Variants in EDEM1 observed in about 807,000 individuals in gnomAD.
EDEM1 encodes ER degradation enhancing alpha-mannosidase like protein 1, also known as ER degradation-enhancing alpha-mannosidase-like protein 1.
Under a neutral mutation model 74.4 loss-of-function variants are expected in EDEM1, and 67 were observed. That is an observed-to-expected ratio of 0.90 (90% CI 0.74 to 1.10). The LOEUF (loss-of-function observed/expected upper bound fraction) is 1.10. Among genes scored for constraint, EDEM1 ranks in the 50% least tolerant of loss-of-function variants. The pLI is 0.00. For synonymous variants in EDEM1, 382 were observed against 335.9 expected, an observed-to-expected ratio of 1.14 and a Z score of -1.50; for missense variants, 926 against 851.6, an observed-to-expected ratio of 1.09 and a Z score of -1.09.
Position 5,213,327 on chromosome 3 carries a change from T to G in EDEM1, c.1689T>G (p.Asp563Glu). The G allele has an allele frequency of 6.2e-7, 1 of 1,613,370 alleles. No individual in the cohort carries two copies. The highest frequency in any genetic ancestry group is 8.5e-7 in the Non-Finnish European group (1 of 1,179,628). ...ETCKYLYLLF[D>E]EDNPVHKSGT... Reference sequence around the variant, plus strand: ...TTCTCCGTTCCCTCTAGCTGTTTGATGAAGACAATCCAGTACACAAGTCTG... The same window carrying G: ...TTCTCCGTTCCCTCTAGCTGTTTGAGGAAGACAATCCAGTACACAAGTCTG... The change falls in exon 11 of 12, where the codon GAT (aspartate) becomes GAG (glutamate). Residue 563 changes from aspartate (D) to glutamate (E), a missense_variant. Transcript: ENST00000256497.
At chr3:5,210,984 C>G (rs1197465001) in intron 9 of EDEM1, 136 bp from the exon 10 acceptor site, 1 of 770,626 alleles carries the variant, frequency 1.3e-6, no homozygotes, top group Admixed American at 2.8e-5. Flanking sequence ...AAAGGAGAGC[C>G]CCTCAATGTA....
chr3:5,208,017 C>A, intron 7 of EDEM1, 76 bp from the exon 8 acceptor site: 1 of 1,482,866 alleles, frequency 6.7e-7, no homozygotes, highest in South Asian at 1.4e-5. Context: ...GAGGAGAGCC[C>A]AGGCAGGCCC....
intron 8 of EDEM1, among the ~76,000 whole-genome samples, chr3:5,208,962 C>A (rs377607800): frequency 6.6e-6 from 1 of 152,034 alleles, no homozygotes; most frequent in Non-Finnish European, 1.5e-5. Context: ...CACAGCAGCA[C>A]GAGTGGTTAA....
intron 2 of EDEM1, among the ~76,000 whole-genome samples, chr3:5,197,350 C>CTT (rs1360490837): frequency 3.3e-5 from 5 of 152,306 alleles, no homozygotes; most frequent in African/African-American, 1.2e-4. Flanking sequence ...TTTAAAGACT[C>CTT]TGAGAAGTCC....
rs757158212 is a variant in EDEM1 at position 5,188,028 on chromosome 3, C to A, written c.223C>A (p.Pro75Thr). 24 of 1,453,006 alleles carry A rather than the reference C, an allele frequency of 1.7e-5. No individual in the cohort carries two copies. The African/African-American group carries it at 3.3e-4, about 20-fold the overall frequency. 90.0% of individuals were successfully genotyped at this position (1,453,006 alleles called of 1,614,324 possible). ...ATCCGGGCCGTCGTGGCTGCAGCCG[C>A]CGGGGACCGGGGCAGCGCAGAGCCC... Reference protein sequence around the residue: ...GVSGPSWLQPPGTGAAQSPRK... With the variant: ...GVSGPSWLQPTGTGAAQSPRK... The change falls in exon 1 of 12, where the codon CCG becomes ACG. Residue 75 changes from proline (P) to threonine (T), a missense_variant. Transcript: ENST00000256497.
At chr3:5,198,230 G>C (rs75587008) in intron 2 of EDEM1, among the ~76,000 whole-genome samples, 1 of 152,046 alleles carries the variant, frequency 6.6e-6, no homozygotes. Flanking sequence ...TGTATTTTTA[G>C]TAGAGACAAG....
At chr3:5,213,546 A>AT in intron 11 of EDEM1, 24 bp downstream of exon 11, 2 of 1,582,688 alleles carry the variant, frequency 1.3e-6, no homozygotes, top group Non-Finnish European at 1.7e-6. Flanking sequence ...TCCAGGGGTG[A>AT]TTTGCATATA....
rs558513525 is a variant in EDEM1 at position 5,219,006 on chromosome 3, G to C, written c.*3088G>C. 1 of 152,184 alleles carries C rather than the reference G, an allele frequency of 6.6e-6. No homozygotes were observed. The highest frequency in any genetic ancestry group is 1.5e-5 in the Non-Finnish European group (1 of 68,036). The allele number at this position is 152,184 out of a possible 1,614,324, so 9.4% of individuals were successfully genotyped here. A position where few individuals can be genotyped will look rare whatever the true frequency, so the allele number is the denominator to read the frequency against. ...ATGCACCAGGATGGTGTCTGTGCAC[G>C]TGACTATTAGAGGAGCGTCTGTAGA... is the stretch of plus-strand genomic sequence containing the variant. On this transcript the variant is annotated 3_prime_UTR_variant, in exon 12 of 12. Transcript: ENST00000256497.
At chr3:5,208,700 T>C (rs577842681) in intron 8 of EDEM1, among the ~76,000 whole-genome samples, 1 of 151,990 alleles carries the variant, frequency 6.6e-6, no homozygotes, top group South Asian at 2.1e-4. Context: ...AAGGAAATCA[T>C]CTTGGATTCA....
At chr3:5,208,767 A>T (rs1044915006) in intron 8 of EDEM1, among the ~76,000 whole-genome samples, 1 of 150,546 alleles carries the variant, frequency 6.6e-6, no homozygotes, top group African/African-American at 2.5e-5. Flanking sequence ...GTGTATATAT[A>T]TATACACACA....
intron 5 of EDEM1, 151 bp from the exon 6 acceptor site, chr3:5,204,916 A>C (rs2055076441): frequency 2.8e-6 from 2 of 712,120 alleles, no homozygotes; most frequent in Non-Finnish European, 4.6e-6. Context: ...AAGACTGATA[A>C]AAATGTTAGG....
intron 2 of EDEM1, among the ~76,000 whole-genome samples, chr3:5,198,041 AT>A (rs921499742): frequency 5.3e-5 from 8 of 151,030 alleles, no homozygotes; most frequent in South Asian, 2.1e-4. Context: ...AAATGGTTAC[AT>A]TTTTTTTGTC....
At position 5,211,147 on chromosome 3, in the gene EDEM1, C is replaced by T; in HGVS notation, c.1611C>T (p.Val537=). ...VKCGYATLHH[V]IDKSTEDRME... is the part of the protein sequence containing the mutation. ...GTGGGTACGCCACGCTGCATCACGT[C>T]ATTGACAAGTCCACAGAAGACCGGA... The change falls in exon 10 of 12, where the codon GTC becomes GTT. Residue 537 remains valine (V), a synonymous_variant. Coordinates refer to ENST00000256497, the MANE Select transcript of EDEM1 (RefSeq NM_014674.3). The T allele has an allele frequency of 6.2e-7, 1 of 1,614,190 alleles. No individual in the cohort carries two copies. The highest frequency in any genetic ancestry group is 8.5e-7 in the Non-Finnish European group (1 of 1,180,032).
intron 3 of EDEM1, among the ~76,000 whole-genome samples, chr3:5,200,377 A>G (rs1298570931): frequency 6.6e-6 from 1 of 152,192 alleles, no homozygotes; most frequent in Non-Finnish European, 1.5e-5. Flanking sequence ...AGAGTTTCCC[A>G]TCTTACCACC....
rs1399932285 is a variant in EDEM1, at chr3:5,219,314, G to A, written c.*3396G>A. On this transcript the variant is annotated 3_prime_UTR_variant, in exon 12 of 12. Transcript: ENST00000256497. ...CAAATGTAGTGCTGGTGAAAAGGTA[G>A]GGCTGAGTGATTACCTTAGCCACAG... The A allele has an allele frequency of 5.3e-5, 8 of 152,170 alleles. No homozygotes were observed. In the East Asian group the frequency reaches 1.2e-3, roughly 22 times the overall value. The allele number at this position is 152,170 out of a possible 1,614,324, so 9.4% of individuals were successfully genotyped here. A position where few individuals can be genotyped will look rare whatever the true frequency, so the allele number is the denominator to read the frequency against.
chr3:5,208,020 GCA>G, intron 7 of EDEM1, 71 bp from the exon 8 acceptor site: 1 of 1,491,440 alleles, frequency 6.7e-7, no homozygotes, highest in Non-Finnish European at 8.9e-7. Context: ...GAGAGCCCAG[GCA>G]GGCCCTTTGT....
rs1021799822 is a variant in EDEM1 at position 5,219,018 on chromosome 3, G to T, written c.*3100G>T. ...GGTGTCTGTGCACGTGACTATTAGA[G>T]GAGCGTCTGTAGAAGTACCTGGTTT... On this transcript the variant is annotated 3_prime_UTR_variant, in exon 12 of 12. Coordinates refer to ENST00000256497, the MANE Select transcript of EDEM1 (RefSeq NM_014674.3). 1 of 152,064 alleles carries T rather than the reference G, an allele frequency of 6.6e-6. No homozygotes were observed. Among genetic ancestry groups the T allele is most frequent in the African/African-American group, 2.4e-5 (1 of 41,390 alleles). 9.4% of individuals were successfully genotyped at this position (152,064 alleles called of 1,614,324 possible).
chr3:5,200,585 A>T (rs1314984451), intron 3 of EDEM1, among the ~76,000 whole-genome samples: 1 of 152,192 alleles, frequency 6.6e-6, no homozygotes, highest in Non-Finnish European at 1.5e-5. Context: ...AAATTGTATC[A>T]ACTGCATAAC....
rs1383527764 is a variant in EDEM1, at chr3:5,205,213, C to CA, written c.1190dup (p.Ser398GlufsTer15). 6.2e-7 allele frequency: 1 copy of CA among 1,613,976 alleles called. No individual in the cohort carries two copies. The highest frequency in any genetic ancestry group is 1.3e-5 in the African/African-American group (1 of 74,936). Reference sequence around the variant, plus strand: ...CCTAGAAATGTTTAATGCTGCATATCAGAGTATTCAGAACTACTTAAGAAG... The same window carrying CA: ...CCTAGAAATGTTTAATGCTGCATATCAAGAGTATTCAGAACTACTTAAGAAG... On this transcript the variant is annotated frameshift_variant, in exon 6 of 12. Coordinates refer to ENST00000256497, the MANE Select transcript of EDEM1 (RefSeq NM_014674.3). LOFTEE classifies it high-confidence loss of function.
Sources: allele counts gnomAD v4.1 joint callset (sites outside exome capture counted in the v4.1 genomes callset), GRCh38; gene constraint gnomAD v4.1.1; transcripts MANE v1.5; gene names NCBI Gene and HGNC (gene_info 2026-07-23, HGNC 2026-07-21).